Variants in LAMA1 observed in about 807,000 individuals in gnomAD.
LAMA1 encodes laminin subunit alpha 1, also known as laminin subunit alpha-1.
Under a neutral mutation model 348.7 loss-of-function variants are expected in LAMA1, and 219 were observed. That is an observed-to-expected ratio of 0.63 (90% CI 0.56 to 0.70). The LOEUF (loss-of-function observed/expected upper bound fraction) is 0.70, where lower values mean the gene tolerates loss of function less well. Ranked by LOEUF, LAMA1 falls within the 30% of genes least tolerant of loss-of-function variation. LAMA1 has a pLI of 0.00. For synonymous variants in LAMA1, 1,487 were observed against 1,491.0 expected, an observed-to-expected ratio of 1.00 and a Z score of 0.06; for missense variants, 3,744 against 3,888.0, an observed-to-expected ratio of 0.96 and a Z score of 0.99.
At chr18:7,074,250 A>G (rs976544961) in intron 3 of LAMA1, among the ~76,000 whole-genome samples, 2 of 152,136 alleles carry the variant, frequency 1.3e-5, no homozygotes, top group Non-Finnish European at 2.9e-5. Context: ...CTCTTTCAAT[A>G]TAGCAATCCT....
At chr18:7,114,956 C>T (rs2058349924) in intron 1 of LAMA1, among the ~76,000 whole-genome samples, 2 of 152,070 alleles carry the variant, frequency 1.3e-5, no homozygotes, top group African/African-American at 2.4e-5. Flanking sequence ...TTTGAATTCT[C>T]AATCATGCTA....
rs1280951017 is a variant in LAMA1, at chr18:7,043,223, T to C, written c.1155+4A>G. 6.2e-7 allele frequency: 1 copy of C among 1,614,066 alleles called. No homozygotes were observed. The highest frequency in any genetic ancestry group is 8.5e-7 in the Non-Finnish European group (1 of 1,179,952). On this transcript the variant is annotated splice_donor_region_variant and intron_variant, in intron 8 of 62. Coordinates refer to ENST00000389658, the MANE Select transcript of LAMA1 (RefSeq NM_005559.4). ...GATCAGCAATGGCAAAGAAATACTC[T>C]TACTTTGTGTGGTCTATAATATCCA...
Position 6,985,595 on chromosome 18 carries a change from T to C in LAMA1, c.5428A>G (p.Ile1810Val). 6.2e-7 allele frequency: 1 copy of C among 1,614,162 alleles called. No individual in the cohort carries two copies. Among genetic ancestry groups the C allele is most frequent in the Non-Finnish European group, 8.5e-7 (1 of 1,180,016 alleles). ...QEEQNLTSEL[I>V]VQGRGLIDAA... ...TCTATCAATCCTCTTCCTTGGACAA[T>C]GAGCTCTGAGGTCAGATTTTGTTCT... Residue 1810 changes from isoleucine to valine, a missense_variant, in exon 38 of 63, where the codon ATT (isoleucine) becomes GTT (valine). Transcript: ENST00000389658.
At chr18:7,113,892 T>A (rs1356240186) in intron 1 of LAMA1, among the ~76,000 whole-genome samples, 1 of 152,014 alleles carries the variant, frequency 6.6e-6, no homozygotes, top group Non-Finnish European at 1.5e-5. Flanking sequence ...CTGGCTAACA[T>A]GGTGAAACCC....
intron 54 of LAMA1, 25 bp from the exon 55 acceptor site, chr18:6,958,687 A>G (rs1211483800): frequency 2.5e-6 from 4 of 1,570,068 alleles, no homozygotes; most frequent in Non-Finnish European, 3.5e-6. Context: ...GAGAAAATAA[A>G]TGAAAAGCTT....
intron 1 of LAMA1, among the ~76,000 whole-genome samples, chr18:7,114,338 G>A (rs1222383566): frequency 3.3e-5 from 5 of 152,180 alleles, no homozygotes; most frequent in African/African-American, 1.2e-4. Flanking sequence ...GACATTCAGA[G>A]AAGTTAAGAA....
intron 3 of LAMA1, among the ~76,000 whole-genome samples, chr18:7,059,047 G>A (rs2058093062): frequency 6.6e-6 from 1 of 152,036 alleles, no homozygotes. Context: ...CTGCCACCAT[G>A]CCCAACTAAT....
At chr18:7,117,165 C>T (rs1049590397) in intron 1 of LAMA1, among the ~76,000 whole-genome samples, 13 of 152,344 alleles carry the variant, frequency 8.5e-5, no homozygotes, top group Middle Eastern at 3.4e-3. Context: ...GGAATCCGCC[C>T]TTTCCCGGCC....
chr18:6,983,426 G>A (rs190494639), intron 39 of LAMA1, among the ~76,000 whole-genome samples, 192 bp from the exon 40 acceptor site: 193 of 152,266 alleles, frequency 1.3e-3, no homozygotes, highest in Non-Finnish European at 2.0e-3. Context: ...AGAAGCCGTA[G>A]CCACTTTGTC....
chr18:7,009,168 A>C, intron 27 of LAMA1, 71 bp downstream of exon 27: 1 of 1,542,378 alleles, frequency 6.5e-7, no homozygotes, highest in Middle Eastern at 1.7e-4. Flanking sequence ...ATGGAAGTGA[A>C]GTGAGTCAAA....
In LAMA1 at chr18:7,037,745, T is replaced by A. The variant is rs1398917358; in HGVS notation, c.1570A>T (p.Ser524Cys). ...SLSWPVGQVNSMSGWLVTDLI... is the reference protein window; with the variant it reads ...SLSWPVGQVNCMSGWLVTDLI... The stretch of plus-strand genomic sequence containing the variant: ...TCGGTGACCAGCCACCCGGACATAC[T>A]GTTTACCTTAAAAACAAATTCAAGA... Residue 524 changes from serine (S) to cysteine (C), a missense_variant, in exon 12 of 63, where the codon AGT becomes TGT. Ser to Cys is a moderately radical substitution (Grantham distance 112). Transcript: ENST00000389658. 1 of 1,614,202 alleles carries A rather than the reference T, an allele frequency of 6.2e-7. No homozygotes were observed. Among genetic ancestry groups the A allele is most frequent in the Non-Finnish European group, 8.5e-7 (1 of 1,180,028 alleles).
At position 6,948,499 on chromosome 18, in the gene LAMA1, C is replaced by T. The variant is rs377153273; in HGVS notation, c.8614G>A (p.Asp2872Asn). Residue 2872 changes from aspartate (D) to asparagine (N), a missense_variant, in exon 60 of 63, where the codon GAC becomes AAC. This residue lies in a region of LAMA1 where 232 missense variants were observed against 264.4 expected (regional missense o/e 0.88). Coordinates refer to ENST00000389658, the MANE Select transcript of LAMA1 (RefSeq NM_005559.4). ...AAGGCAGACACCGGGCTGTCCTTGTCCAGCTGTTTGCTGTTAACCGTCACA... is the reference window on the plus strand; with the variant it reads ...AAGGCAGACACCGGGCTGTCCTTGTTCAGCTGTTTGCTGTTAACCGTCACA... ...GDVTVNSKQL[D>N]KDSPVSAFTV... 3 of 1,614,062 alleles carry T rather than the reference C, an allele frequency of 1.9e-6. No homozygotes were observed. Among genetic ancestry groups the T allele is most frequent in the Non-Finnish European group, 2.5e-6 (3 of 1,180,038 alleles).
rs765971289 is a variant in LAMA1 at position 7,038,818 on chromosome 18, C to A, written c.1555G>T (p.Val519Phe). ...CAGATGGCGCCTCCCACCTGACCAA[C>A]AGGCCAAGAGAGGCTGCTGCAGACA... is the stretch of plus-strand genomic sequence containing the variant. ...SDVCSSLSWP[V>F]GQVNSMSGWL... The change falls in exon 11 of 63, where the codon GTT becomes TTT. Residue 519 changes from valine to phenylalanine, a missense_variant. Val to Phe is a conservative substitution (Grantham distance 50). Around this residue, in one of 3 missense-constraint regions of LAMA1, gnomAD observed 1,529 missense variants for 1,689.4 expected, o/e 0.91. Transcript: ENST00000389658. 1 of 1,614,206 alleles carries A rather than the reference C, an allele frequency of 6.2e-7. No homozygotes were observed. The highest frequency in any genetic ancestry group is 1.7e-5 in the Admixed American group (1 of 60,030).
chr18:6,941,993 A>G lies in LAMA1; in HGVS notation c.*86T>C. The G allele has an allele frequency of 6.5e-7, 1 of 1,536,914 alleles. No individual in the cohort carries two copies. The highest frequency in any genetic ancestry group is 9.0e-7 in the Non-Finnish European group (1 of 1,115,684). On this transcript the variant is annotated 3_prime_UTR_variant, in exon 63 of 63. Transcript: ENST00000389658. ...ACACTTAACCTGAGTTGGAAATGAA[A>G]TATGAACTGAAGAGATTCTTAATTC...
chr18:6,968,840 AT>A (rs1568011645), intron 48 of LAMA1, among the ~76,000 whole-genome samples: 1 of 152,192 alleles, frequency 6.6e-6, no homozygotes, highest in African/African-American at 2.4e-5. Flanking sequence ...ACAGTCAAAA[AT>A]TTTTTAAAAA....
In LAMA1 at chr18:7,038,911, C is replaced by G; in HGVS notation, c.1462G>C (p.Gly488Arg). 2 of 1,614,032 alleles carry G rather than the reference C, an allele frequency of 1.2e-6. No homozygotes were observed. Among genetic ancestry groups the G allele is most frequent in the Non-Finnish European group, 1.7e-6 (2 of 1,179,902 alleles). Residue 488 changes from glycine to arginine, a missense_variant, in exon 11 of 63, where the codon GGA (glycine) becomes CGA (arginine). Gly to Arg is a moderately radical substitution (Grantham distance 125). Transcript: ENST00000389658. Reference protein sequence around the residue: ...EGKACDRCKPGFYNLKEKNPR... With the variant: ...EGKACDRCKPRFYNLKEKNPR... The stretch of plus-strand genomic sequence containing the variant: ...TTTTTTTCCTTCAAGTTATAGAATC[C>G]TGGCTTGCAGCGATCACAGGCCTTC...
At chr18:7,013,742 TA>T in intron 23 of LAMA1, 72 bp downstream of exon 23, 1 of 1,449,110 alleles carries the variant, frequency 6.9e-7, no homozygotes, top group Non-Finnish European at 9.6e-7. Context: ...GCTGCTTAGG[TA>T]AGTAGTCAAA....
rs550951172 is a variant in LAMA1, at chr18:6,993,841, G to A, written c.4897-89C>T. On this transcript the variant is annotated intron_variant, in intron 34 of 62. Coordinates refer to ENST00000389658, the MANE Select transcript of LAMA1 (RefSeq NM_005559.4). The stretch of plus-strand genomic sequence containing the variant: ...ACGCAAGTTGTAATATTCCACTGTT[G>A]CCGCTTATAAGCAACAACATATATT... 8.9e-5 allele frequency: 71 copies of A among 795,146 alleles called. 2 individuals carry two copies. The South Asian group carries it at 9.6e-4, about 11-fold the overall frequency. The allele number at this position is 795,146 out of a possible 1,614,324, so 49.3% of individuals were successfully genotyped here.
intron 44 of LAMA1, among the ~76,000 whole-genome samples, chr18:6,976,803 T>A (rs2057684761): frequency 6.6e-6 from 1 of 151,794 alleles, no homozygotes; most frequent in South Asian, 2.1e-4. Context: ...AGAGACAGGA[T>A]CTTATTATGT....
Sources: gnomAD v4.1 joint callset for allele counts (sites outside exome capture counted in the v4.1 genomes callset) on GRCh38, gnomAD v4.1.1 for gene constraint, gnomAD v4.1.1 regional missense constraint, MANE v1.5 for transcripts, NCBI Gene and HGNC (gene_info 2026-07-23, HGNC 2026-07-21) for gene names.